TOX: variants seen among roughly 807,000 people sequenced by gnomAD.
TOX encodes thymocyte selection-associated high mobility group box protein TOX.
In TOX, 11 loss-of-function variants were observed where a neutral mutation model predicts 53.7. The observed-to-expected ratio is 0.20, with a 90% CI of 0.13 to 0.34. The LOEUF (loss-of-function observed/expected upper bound fraction) is 0.34, where lower values mean the gene tolerates loss of function less well. Ranked by LOEUF, TOX falls within the 10% of genes least tolerant of loss-of-function variation. TOX has a pLI of 1.00. For synonymous variants in TOX, 225 were observed against 245.3 expected (o/e 0.92, Z 0.77); for missense variants, 570 against 664.6 (o/e 0.86, Z 1.56).
chr8:58,887,944 C>T (rs1169645625), intron 3 of TOX, among the ~76,000 whole-genome samples: 1 of 152,044 alleles, frequency 6.6e-6, no homozygotes, highest in Non-Finnish European at 1.5e-5. Flanking sequence ...ACTGTGTAAA[C>T]ACCATATAAT....
At chr8:58,902,124 T>C (rs563376669) in intron 3 of TOX, among the ~76,000 whole-genome samples, 1 of 152,304 alleles carries the variant, frequency 6.6e-6, no homozygotes, top group Admixed American at 6.5e-5. Flanking sequence ...AAAATATAAA[T>C]CTGTTATTTC....
chr8:58,837,552 G>C (rs1810567826), intron 5 of TOX, among the ~76,000 whole-genome samples: 1 of 152,138 alleles, frequency 6.6e-6, no homozygotes, highest in African/African-American at 2.4e-5. Context: ...GAAAAAACCA[G>C]GCATCTGGTC....
intron 3 of TOX, among the ~76,000 whole-genome samples, chr8:58,927,511 G>A (rs1021687294): frequency 9.2e-5 from 14 of 152,254 alleles, no homozygotes; most frequent in East Asian, 5.8e-4. Flanking sequence ...GTCCTTCTGC[G>A]TAAGATGAGA....
intron 4 of TOX, among the ~76,000 whole-genome samples, chr8:58,838,966 C>T (rs1231048746): frequency 6.6e-6 from 1 of 152,156 alleles, no homozygotes; most frequent in Non-Finnish European, 1.5e-5. Context: ...TCCCAAAGTG[C>T]TGGGATTACA....
chr8:59,111,009 A>G (rs1376686554), intron 1 of TOX, among the ~76,000 whole-genome samples: 2 of 152,174 alleles, frequency 1.3e-5, no homozygotes, highest in Non-Finnish European at 2.9e-5. Context: ...CTTAATTCTC[A>G]TAAGTCTTCT....
intron 3 of TOX, among the ~76,000 whole-genome samples, chr8:58,882,067 G>A (rs1280830810): frequency 6.6e-6 from 1 of 152,168 alleles, no homozygotes; most frequent in East Asian, 1.9e-4. Flanking sequence ...TTGTGCAATT[G>A]TGACTAAAAC....
intron 2 of TOX, among the ~76,000 whole-genome samples, chr8:58,954,689 T>C (rs1373974807): frequency 6.6e-6 from 1 of 152,152 alleles, no homozygotes; most frequent in East Asian, 1.9e-4. Flanking sequence ...GCAGAAATTG[T>C]GTAGCTGGAA....
In TOX at chr8:59,117,997, G is replaced by C. The variant is rs1010857723; in HGVS notation, c.102+889C>G. 6.6e-6 allele frequency among the ~76,000 whole-genome samples: 1 copy of C among 152,040 alleles called. No individual in the cohort carries two copies. The highest frequency in any genetic ancestry group is 1.5e-5 in the Non-Finnish European group (1 of 67,976). ...AGCCGGGAGAGTAACCCCCTCCCTCGTACCCCCTGACTGTCCTATAGGTGG... is the reference window on the plus strand; with the variant it reads ...AGCCGGGAGAGTAACCCCCTCCCTCCTACCCCCTGACTGTCCTATAGGTGG... On this transcript the variant is annotated intron_variant, in intron 1 of 8. Coordinates refer to ENST00000361421, the MANE Select transcript of TOX (RefSeq NM_014729.3). This position sits in a 1 kb window ranked among gnomAD's most constrained non-coding sequence, Gnocchi z 4.6.
At chr8:58,819,926 G>A (rs1810245551) in intron 6 of TOX, among the ~76,000 whole-genome samples, 1 of 152,184 alleles carries the variant, frequency 6.6e-6, no homozygotes, top group South Asian at 2.1e-4. Context: ...CTACTCAATT[G>A]TGCATTGCTC....
chr8:58,858,260 G>A (rs1370917506), intron 3 of TOX, among the ~76,000 whole-genome samples: 1 of 152,156 alleles, frequency 6.6e-6, no homozygotes, highest in Non-Finnish European at 1.5e-5. Context: ...GAACGATGGA[G>A]GGCCTGCCTT....
intron 1 of TOX, among the ~76,000 whole-genome samples, chr8:59,004,594 C>G (rs997136435): frequency 1.3e-5 from 2 of 152,170 alleles, no homozygotes; most frequent in Non-Finnish European, 2.9e-5. Context: ...CTAGTAAGAA[C>G]ATAGCCTTTG....
At chr8:58,870,984 C>T (rs1811186555) in intron 3 of TOX, among the ~76,000 whole-genome samples, 1 of 151,998 alleles carries the variant, frequency 6.6e-6, no homozygotes, top group Non-Finnish European at 1.5e-5. Flanking sequence ...AAAACCTGCA[C>T]ACAAGTGTTT....
chr8:58,975,328 G>A (rs1813076968), intron 1 of TOX, among the ~76,000 whole-genome samples: 1 of 151,736 alleles, frequency 6.6e-6, no homozygotes, highest in African/African-American at 2.4e-5. Context: ...TAAAGTCATC[G>A]TTTCAATTTT....
At chr8:58,963,921 G>A (rs1015529256) in intron 1 of TOX, among the ~76,000 whole-genome samples, 3 of 152,124 alleles carry the variant, frequency 2.0e-5, no homozygotes, top group Non-Finnish European at 2.9e-5. Context: ...CATATTTGCT[G>A]GATTAAATAT....
At chr8:58,983,936 ATG>A (rs1490433579) in intron 1 of TOX, among the ~76,000 whole-genome samples, 2 of 152,230 alleles carry the variant, frequency 1.3e-5, no homozygotes, top group Admixed American at 1.3e-4. Flanking sequence ...TTTATTCCAT[ATG>A]TGTCCCTGAC....
chr8:59,030,155 T>C (rs1239435828), intron 1 of TOX, among the ~76,000 whole-genome samples: 1 of 152,196 alleles, frequency 6.6e-6, no homozygotes, highest in Admixed American at 6.5e-5. Flanking sequence ...GAGCACAATT[T>C]AAACACAAAA....
At chr8:58,964,199 A>G (rs770728797) in intron 1 of TOX, among the ~76,000 whole-genome samples, 37 of 152,352 alleles carry the variant, frequency 2.4e-4, no homozygotes, top group Admixed American at 1.7e-3. Context: ...AATTTTATTT[A>G]ATATAAAACA....
intron 1 of TOX, among the ~76,000 whole-genome samples, chr8:58,989,881 A>G (rs1477909169): frequency 6.6e-6 from 1 of 152,178 alleles, no homozygotes; most frequent in Admixed American, 6.5e-5. Flanking sequence ...GGCCCAAAGA[A>G]GCCCTATTCA....
Position 59,118,948 on chromosome 8 carries a change from C to T in TOX, c.40G>A (p.Ala14Thr). 6.2e-7 allele frequency: 1 copy of T among 1,602,410 alleles called. No individual in the cohort carries two copies. The change falls in exon 1 of 9, where the codon GCT (alanine) becomes ACT (threonine). Residue 14 changes from alanine (A) to threonine (T), a missense_variant. Coordinates refer to ENST00000361421, the MANE Select transcript of TOX (RefSeq NM_014729.3). This position sits in a 1 kb window ranked among gnomAD's most constrained non-coding sequence, Gnocchi z 4.1. ...CCCAGACAGGGAGCGTCGGGCGCAG[C>T]GGCGGGCTGGGCTGGAGGTGGATAA... ...RFYPPPAQPA[A>T]APDAPCLGPS...
Sources: allele counts gnomAD v4.1 joint callset (sites outside exome capture counted in the v4.1 genomes callset), GRCh38; gene constraint gnomAD v4.1.1; non-coding constraint Gnocchi (gnomAD v3.1); transcripts MANE v1.5; gene names NCBI Gene and HGNC (gene_info 2026-07-23, HGNC 2026-07-21).